The following IFT74 variants were observed in gnomAD, a reference collection of about 807,000 sequenced individuals.
The protein encoded by IFT74 is intraflagellar transport 74, also known as intraflagellar transport protein 74 homolog.
IFT74 carries 92 observed loss-of-function variants against 96.7 expected under a neutral mutation model. That is an observed-to-expected ratio of 0.95 (90% CI 0.80 to 1.13). The LOEUF is 1.13. Among genes scored for constraint, IFT74 ranks in the 50% most tolerant of loss-of-function variants. The probability of loss-of-function intolerance (pLI) is 0.00; values close to 1 mark genes in which losing one functional copy is unlikely to be tolerated. For synonymous variants in IFT74, 223 were observed against 213.2 expected (o/e 1.05, Z -0.40); for missense variants, 811 against 698.2 (o/e 1.16, Z -1.82).
chr9:27,036,913 C>A, intron 13 of IFT74: 1 of 780,352 alleles, frequency 1.3e-6, no homozygotes, highest in Non-Finnish European at 1.6e-6. Context: ...TGCTGTGATT[C>A]ATGATAAAAT....
chr9:26,949,988 G>A (rs138110530), intron 1 of IFT74, among the ~76,000 whole-genome samples: 121 of 151,962 alleles, frequency 8.0e-4, no homozygotes, highest in African/African-American at 2.7e-3. Context: ...CTCTGGTTAC[G>A]TGACTCCAGG....
chr9:26,987,195 G>T (rs1015527375), intron 6 of IFT74, among the ~76,000 whole-genome samples: 2 of 151,900 alleles, frequency 1.3e-5, no homozygotes, highest in African/African-American at 2.4e-5. Context: ...GATTACAGGC[G>T]CTTGCCACCA....
At chr9:27,047,176 A>C (rs1819728309) in intron 14 of IFT74, 98 bp from the exon 15 acceptor site, 1 of 692,190 alleles carries the variant, frequency 1.4e-6, no homozygotes, top group East Asian at 3.0e-5. Context: ...GTCTCAAAAA[A>C]AGAAAATTCT....
At chr9:26,977,665 T>G (rs1405395777) in intron 2 of IFT74, among the ~76,000 whole-genome samples, 1 of 152,062 alleles carries the variant, frequency 6.6e-6, no homozygotes, top group Non-Finnish European at 1.5e-5. Context: ...ACTTTTGTAT[T>G]TTTAGTAGTG....
At chr9:27,038,871 C>T (rs1212736284) in intron 13 of IFT74, among the ~76,000 whole-genome samples, 3 of 152,308 alleles carry the variant, frequency 2.0e-5, no homozygotes, top group East Asian at 1.9e-4. Context: ...GGGATAGCAA[C>T]ATGCCTACAA....
rs1037121129 is a variant in IFT74, at chr9:26,956,459, A to G, written c.-77A>G. 2 of 152,278 alleles carry G rather than the reference A, an allele frequency of 1.3e-5. No homozygotes were observed. The highest frequency in any genetic ancestry group is 2.9e-5 in the Non-Finnish European group (2 of 68,078). The allele number at this position is 152,278 out of a possible 1,614,324, so 9.4% of individuals were successfully genotyped here. A position where few individuals can be genotyped will look rare whatever the true frequency, so the allele number is the denominator to read the frequency against. The stretch of plus-strand genomic sequence containing the variant: ...CCGAGGAAAACTGAGCGTGGGCCTC[A>G]GAAAGAAGTTAAGGCACCCGCGAGC... On this transcript the variant is annotated 5_prime_UTR_variant, in exon 1 of 20. Transcript: ENST00000380062.
intron 8 of IFT74, among the ~76,000 whole-genome samples, chr9:26,998,987 C>A (rs2131577895): frequency 6.6e-6 from 1 of 152,286 alleles, no homozygotes; most frequent in African/African-American, 2.4e-5. Flanking sequence ...GAGCGAGATT[C>A]CGTCTCAAAA....
intron 1 of IFT74, among the ~76,000 whole-genome samples, chr9:26,960,679 A>C (rs1291742811): frequency 6.6e-6 from 1 of 152,218 alleles, no homozygotes; most frequent in Non-Finnish European, 1.5e-5. Context: ...GAGTGAATTA[A>C]GGAAATGGTT....
At chr9:27,003,243 C>T (rs574035656) in intron 8 of IFT74, among the ~76,000 whole-genome samples, 15 of 151,948 alleles carry the variant, frequency 9.9e-5, no homozygotes, top group Non-Finnish European at 2.2e-4. Context: ...ATCATGTCTG[C>T]CAGGTGCAGT....
At chr9:27,031,737 A>AAAATT in intron 13 of IFT74, among the ~76,000 whole-genome samples, 1 of 87,484 alleles carries the variant, frequency 1.1e-5, no homozygotes, top group Middle Eastern at 7.2e-3. Context: ...AATAATAAAT[A>AAAATT]AAATAAAATA....
chr9:27,007,078 C>G (rs1198803083), intron 8 of IFT74, among the ~76,000 whole-genome samples: 2 of 152,102 alleles, frequency 1.3e-5, no homozygotes, highest in East Asian at 3.9e-4. Context: ...ACCTCGTGAT[C>G]TGCCCGCCTC....
intron 13 of IFT74, among the ~76,000 whole-genome samples, chr9:27,032,400 A>G (rs117481077): frequency 6.6e-6 from 1 of 152,238 alleles, no homozygotes; most frequent in Non-Finnish European, 1.5e-5. Context: ...AATGACAATT[A>G]TAAGCCTTAA....
chr9:26,984,337 A>G lies in IFT74; in HGVS notation c.386A>G (p.Tyr129Cys). Residue 129 changes from tyrosine to cysteine, a missense_variant, in exon 5 of 20, where the codon TAT becomes TGT. Transcript: ENST00000380062. The stretch of plus-strand genomic sequence containing the variant: ...ATGTACAATCAAGAGAATTCAGTAT[A>G]TTTGTCATATGAAAAGAGGTGAGTA... Reference protein sequence around the residue: ...IEMYNQENSVYLSYEKRAETL... With the variant: ...IEMYNQENSVCLSYEKRAETL... The G allele has an allele frequency of 6.3e-7, 1 of 1,584,402 alleles. No homozygotes were observed. Among genetic ancestry groups the G allele is most frequent in the Non-Finnish European group, 8.6e-7 (1 of 1,164,002 alleles).
In IFT74 at chr9:27,059,612, A is replaced by G. The variant is rs187501964; in HGVS notation, c.1624-979A>G. 5.3e-5 allele frequency among the ~76,000 whole-genome samples: 8 copies of G among 152,294 alleles called. No individual in the cohort carries two copies. In the East Asian group the frequency reaches 1.4e-3, roughly 26 times the overall value. On this transcript the variant is annotated intron_variant, in intron 18 of 19. Transcript: ENST00000380062. ...CTTCCTTAAGTCCATCTTAACTTCA[A>G]GGTCCTGTCTGGGGGAGATTGATGT... is the stretch of plus-strand genomic sequence containing the variant.
At chr9:26,956,853 G>C (rs1826130152) in intron 1 of IFT74, among the ~76,000 whole-genome samples, 1 of 152,258 alleles carries the variant, frequency 6.6e-6, no homozygotes, top group African/African-American at 2.4e-5. Context: ...GTTGATCACA[G>C]TGCGGGCAGT....
intron 2 of IFT74, among the ~76,000 whole-genome samples, chr9:26,974,850 C>T (rs1353018325): frequency 6.6e-6 from 1 of 152,172 alleles, no homozygotes; most frequent in Non-Finnish European, 1.5e-5. Context: ...AACTTTGCAC[C>T]TCTGAACTGG....
chr9:26,967,530 A>G (rs1384946313), intron 2 of IFT74, among the ~76,000 whole-genome samples: 1 of 152,156 alleles, frequency 6.6e-6, no homozygotes, highest in Non-Finnish European at 1.5e-5. Flanking sequence ...AGATCATATC[A>G]TCTGCAAACA....
Position 26,998,022 on chromosome 9 carries a change from T to G in IFT74, c.587+7827T>G, listed in dbSNP as rs1828257177. ...ATGGAGTTTCTACAGATATTTAAAA[T>G]TTCTAGACTGGAGAGGTTACCAAAA... On this transcript the variant is annotated intron_variant, in intron 8 of 19. Coordinates refer to ENST00000380062, the MANE Select transcript of IFT74 (RefSeq NM_025103.4). The G allele has an allele frequency of 1.9e-6, 3 of 1,613,766 alleles. No individual in the cohort carries two copies. In the South Asian group the frequency reaches 3.3e-5, roughly 18 times the overall value.
chr9:27,049,355 G>T (rs1377381286), intron 16 of IFT74, among the ~76,000 whole-genome samples: 1 of 152,206 alleles, frequency 6.6e-6, no homozygotes, highest in Non-Finnish European at 1.5e-5. Flanking sequence ...CTGTTGACCA[G>T]TACGGGCTAG....
Sources: allele counts gnomAD v4.1 joint callset (sites outside exome capture counted in the v4.1 genomes callset), GRCh38; gene constraint gnomAD v4.1.1; transcripts MANE v1.5; gene names NCBI Gene and HGNC (gene_info 2026-07-23, HGNC 2026-07-21).